Variants in KCNN2 observed in about 807,000 individuals in gnomAD.
KCNN2 encodes the protein potassium calcium-activated channel subfamily N member 2.
In KCNN2, 24 loss-of-function variants were observed where a neutral mutation model predicts 55.5. That is an observed-to-expected ratio of 0.43 (90% confidence interval 0.31 to 0.61). The LOEUF (loss-of-function observed/expected upper bound fraction) is 0.61. Among genes scored for constraint, KCNN2 ranks in the 20% least tolerant of loss-of-function variants. KCNN2 has a pLI of 0.08. For synonymous variants in KCNN2, 431 were observed against 336.1 expected (o/e 1.28, Z -3.09); for missense variants, 754 against 853.6 (o/e 0.88, Z 1.45).
At position 114,352,125 on chromosome 5, in the gene KCNN2, A is replaced by C. The variant is rs115112002; in HGVS notation, c.-184-8820A>C. 9.5e-3 allele frequency among the ~76,000 whole-genome samples: 1,439 copies of C among 151,802 alleles called. 16 individuals carry two copies. Among genetic ancestry groups the C allele is most frequent in the South Asian group, 0.021 (103 of 4,828 alleles). On this transcript the variant is annotated intron_variant, in intron 2 of 10. Transcript: ENST00000512097. ...ACTTTACTTTGTACAGGCCCATTCA[A>C]ATTTTCTACTTAATCACGGTCAGTT...
chr5:114,217,552 CA>C (rs1265202993), intron 1 of KCNN2, among the ~76,000 whole-genome samples: 2 of 151,274 alleles, frequency 1.3e-5, no homozygotes, highest in Non-Finnish European at 3.0e-5. Context: ...CATTCACATA[CA>C]AAAAAAAGGA....
At chr5:114,462,483 T>C (rs139728528) in intron 3 of KCNN2, among the ~76,000 whole-genome samples, 205 of 152,276 alleles carry the variant, frequency 1.3e-3, no homozygotes, top group Middle Eastern at 0.01. Flanking sequence ...TATTATAATA[T>C]GGTCCCATGA....
At chr5:114,208,007 G>C (rs1429200029) in intron 1 of KCNN2, among the ~76,000 whole-genome samples, 3 of 152,208 alleles carry the variant, frequency 2.0e-5, no homozygotes, top group Non-Finnish European at 4.4e-5. Flanking sequence ...GAACACAGTA[G>C]GTAGGTTGTG....
intron 1 of KCNN2, among the ~76,000 whole-genome samples, chr5:114,088,252 T>C (rs1357956993): frequency 6.6e-6 from 1 of 152,204 alleles, no homozygotes; most frequent in Non-Finnish European, 1.5e-5. Context: ...ATTCTTATCT[T>C]TGGTCTCCTA....
At chr5:114,230,285 TTC>T (rs201800785) in intron 2 of KCNN2, among the ~76,000 whole-genome samples, 2,830 of 120,412 alleles carry the variant, frequency 0.024, 106 homozygotes, top group African/African-American at 0.074. Context: ...TTTTCTTTCT[TTC>T]TTTTTTTTAT....
intron 1 of KCNN2, among the ~76,000 whole-genome samples, chr5:114,095,172 C>A (rs1751230295): frequency 6.6e-6 from 1 of 152,088 alleles, no homozygotes; most frequent in Admixed American, 6.6e-5. Context: ...ATTTCATTTA[C>A]ATCTGTTGTC....
chr5:114,229,264 CTT>C (rs1754306625), intron 2 of KCNN2, among the ~76,000 whole-genome samples: 1 of 150,696 alleles, frequency 6.6e-6, no homozygotes, highest in African/African-American at 2.4e-5. Context: ...AGCTTATTCT[CTT>C]TTATTATCTA....
At chr5:114,494,083 AGTT>A (rs1747991391) in intron 7 of KCNN2, among the ~76,000 whole-genome samples, 1 of 152,042 alleles carries the variant, frequency 6.6e-6, no homozygotes, top group Non-Finnish European at 1.5e-5. Flanking sequence ...ATCAATGTTT[AGTT>A]GTTTCTCCCC....
At chr5:114,446,002 A>G (rs993350841) in intron 3 of KCNN2, among the ~76,000 whole-genome samples, 3 of 152,212 alleles carry the variant, frequency 2.0e-5, no homozygotes, top group African/African-American at 4.8e-5. Flanking sequence ...GAAGCCTAGG[A>G]TAATTCTTCA....
At chr5:114,459,251 T>C (rs1761081564) in intron 3 of KCNN2, among the ~76,000 whole-genome samples, 1 of 152,230 alleles carries the variant, frequency 6.6e-6, no homozygotes, top group African/African-American at 2.4e-5. Flanking sequence ...TTGAGATTAT[T>C]GGGCATTCCT....
intron 3 of KCNN2, among the ~76,000 whole-genome samples, chr5:114,445,860 A>G (rs1299591450): frequency 6.6e-6 from 1 of 152,232 alleles, no homozygotes; most frequent in Non-Finnish European, 1.5e-5. Context: ...GCATCCCAAA[A>G]GCATCTACCC....
chr5:114,154,954 G>A (rs554396522), intron 1 of KCNN2, among the ~76,000 whole-genome samples: 31 of 152,092 alleles, frequency 2.0e-4, no homozygotes, highest in Admixed American at 6.5e-4. Context: ...TTTCATCATG[G>A]GGGTTTGTTG....
chr5:114,162,972 T>A (rs1752821979), intron 1 of KCNN2, among the ~76,000 whole-genome samples: 1 of 152,188 alleles, frequency 6.6e-6, no homozygotes, highest in African/African-American at 2.4e-5. Context: ...TGCCTCTCCC[T>A]GCTTCGGCTC....
chr5:114,202,583 A>G (rs201911680), intron 1 of KCNN2, among the ~76,000 whole-genome samples: 1 of 55,404 alleles, frequency 1.8e-5, no homozygotes, highest in African/African-American at 5.3e-5. Context: ...ATATATATAT[A>G]TATTTTTTTT....
intron 3 of KCNN2, among the ~76,000 whole-genome samples, chr5:114,429,444 T>TTGCTC (rs1364282579): frequency 6.6e-6 from 1 of 152,094 alleles, no homozygotes; most frequent in Non-Finnish European, 1.5e-5. Flanking sequence ...GCCATCTGTA[T>TTGCTC]ATCTTCTTTA....
At chr5:114,120,956 A>G (rs887378426) in intron 1 of KCNN2, among the ~76,000 whole-genome samples, 3 of 152,198 alleles carry the variant, frequency 2.0e-5, no homozygotes, top group Non-Finnish European at 4.4e-5. Flanking sequence ...AGACCTGGGC[A>G]AATGGGGCCT....
chr5:114,411,866 A>G (rs923618323), intron 3 of KCNN2, among the ~76,000 whole-genome samples: 11 of 152,164 alleles, frequency 7.2e-5, no homozygotes, highest in African/African-American at 2.4e-4. Flanking sequence ...GGTATTCCTT[A>G]ATCTAGTTAA....
At chr5:114,198,673 ATTTTAATTTTTGT>A (rs1753610535) in intron 1 of KCNN2, among the ~76,000 whole-genome samples, 1 of 151,810 alleles carries the variant, frequency 6.6e-6, no homozygotes. Context: ...GATTTTTTTA[ATTTTAATTTTTGT>A]TTTTAGTTTT....
intron 2 of KCNN2, among the ~76,000 whole-genome samples, chr5:114,306,166 T>A (rs1388684529): frequency 2.0e-5 from 3 of 152,222 alleles, no homozygotes; most frequent in African/African-American, 7.2e-5. Flanking sequence ...GCTTTTGATT[T>A]CCTTTACTGA....
Sources: allele counts gnomAD v4.1 joint callset (sites outside exome capture counted in the v4.1 genomes callset), GRCh38; gene constraint gnomAD v4.1.1; transcripts MANE v1.5; gene names NCBI Gene and HGNC (gene_info 2026-07-23, HGNC 2026-07-21).